The following ZNF248 variants were observed in gnomAD, a reference collection of about 807,000 sequenced individuals.
ZNF248 encodes the protein KRAB protein domain.
In ZNF248, 20 loss-of-function variants were observed where a neutral mutation model predicts 44.3. The observed-to-expected ratio is 0.45, with a 90% CI of 0.32 to 0.66. The LOEUF is 0.66. Ranked by LOEUF, ZNF248 falls within the 30% of genes least tolerant of loss-of-function variation. The pLI is 0.04. For missense variants in ZNF248, 654 were observed against 677.0 expected (o/e 0.97, Z 0.38); for synonymous variants, 224 against 229.0 (o/e 0.98, Z 0.20).
the ZNF248 span, among the ~76,000 whole-genome samples, chr10:37,759,924 G>A: frequency 6.6e-6 from 1 of 152,196 alleles, no homozygotes; most frequent in Non-Finnish European, 1.5e-5. Context: ...AGAACCGCTA[G>A]GCAGGGAGGA....
At chr10:37,800,982 G>A (rs571881292) in intron 6 of ZNF248, among the ~76,000 whole-genome samples, 67 of 151,790 alleles carry the variant, frequency 4.4e-4, no homozygotes, top group African/African-American at 1.5e-3. Context: ...GGCTGATCTC[G>A]AACTCCCAAC....
intron 5 of ZNF248, among the ~76,000 whole-genome samples, chr10:37,835,559 T>C (rs1430888107): frequency 2.6e-5 from 4 of 152,154 alleles, no homozygotes; most frequent in Non-Finnish European, 5.9e-5. Context: ...TGCACGGCAA[T>C]GGCCCTTGAG....
intron 6 of ZNF248, among the ~76,000 whole-genome samples, chr10:37,777,851 C>A (rs1467915326): frequency 2.0e-5 from 3 of 152,092 alleles, no homozygotes; most frequent in African/African-American, 4.8e-5. Flanking sequence ...CATTTCCCTA[C>A]AAAGGACATG....
chr10:37,807,702 A>G (rs992887780), intron 6 of ZNF248, among the ~76,000 whole-genome samples: 3 of 152,042 alleles, frequency 2.0e-5, no homozygotes, highest in Non-Finnish European at 2.9e-5. Context: ...AGGATTTTTT[A>G]TTGTTAGTAT....
chr10:37,776,452 G>C, downstream of ZNF248: 1 of 396,546 alleles, frequency 2.5e-6, no homozygotes, highest in Non-Finnish European at 4.4e-6. Context: ...TCCTGACTTT[G>C]CTCTGAAGTT....
In ZNF248 at chr10:37,829,512, C is replaced by CA. The variant is rs144798255; in HGVS notation, c.*2102dup. On this transcript the variant is annotated 3_prime_UTR_variant, in exon 6 of 6. Coordinates refer to ENST00000395867, the MANE Select transcript of ZNF248 (RefSeq NM_021045.3). ...CACTTAGAAAAATATTCCTCTGTGT[C>CA]AGCTGGAATGCCTTCAGCTCTAAGT... 0.079 allele frequency: 77,578 copies of CA among 985,290 alleles called. 3,258 individuals carry two copies. The highest frequency in any genetic ancestry group is 0.086 in the Non-Finnish European group (71,522 of 829,890). The allele number at this position is 985,290 out of a possible 1,614,324, so 61.0% of individuals were successfully genotyped here. A position where few individuals can be genotyped will look rare whatever the true frequency, so the allele number is the denominator to read the frequency against.
At chr10:37,807,263 T>C (rs2050719226) in intron 6 of ZNF248, among the ~76,000 whole-genome samples, 1 of 151,028 alleles carries the variant, frequency 6.6e-6, no homozygotes, top group South Asian at 2.1e-4. Context: ...CATTGTTCTA[T>C]ACATCTGTCT....
intron 6 of ZNF248, among the ~76,000 whole-genome samples, chr10:37,802,190 G>A (rs914515958): frequency 1.3e-5 from 2 of 152,126 alleles, no homozygotes; most frequent in African/African-American, 2.4e-5. Flanking sequence ...AAAACAAAGT[G>A]GGAATAAACA....
Position 37,830,314 on chromosome 10 carries a change from A to T in ZNF248, c.*1301T>A, listed in dbSNP as rs139832236. ...TGTTTAACTTCTTTACTGAAGTGAT[A>T]GTTCAATAATGGCCATATTCATGCA... is the stretch of plus-strand genomic sequence containing the variant. On this transcript the variant is annotated 3_prime_UTR_variant, in exon 6 of 6. Transcript: ENST00000395867. 7.1e-6 allele frequency: 7 copies of T among 985,258 alleles called. No individual in the cohort carries two copies. Among genetic ancestry groups the T allele is most frequent in the African/African-American group, 1.7e-5 (1 of 57,216 alleles). 61.0% of individuals were successfully genotyped at this position (985,258 alleles called of 1,614,324 possible). A position where few individuals can be genotyped will look rare whatever the true frequency, so the allele number is the denominator to read the frequency against.
intron 6 of ZNF248, among the ~76,000 whole-genome samples, chr10:37,811,682 ATAT>A (rs763489336): frequency 7.6e-6 from 1 of 131,080 alleles, no homozygotes; most frequent in Non-Finnish European, 1.6e-5. Context: ...AAAAAAAAAA[ATAT>A]ATATATATAT....
At chr10:37,789,819 A>C (rs1349778674) in intron 6 of ZNF248, among the ~76,000 whole-genome samples, 1 of 152,198 alleles carries the variant, frequency 6.6e-6, no homozygotes, top group African/African-American at 2.4e-5. Flanking sequence ...ATTTCTCAAT[A>C]AACAAATATT....
chr10:37,827,804 C>T, downstream of ZNF248, among the ~76,000 whole-genome samples: 1 of 152,102 alleles, frequency 6.6e-6, no homozygotes, highest in South Asian at 2.1e-4. Flanking sequence ...AGGGCTGAAC[C>T]CTCCCAGAAG....
intron 6 of ZNF248, chr10:37,820,859 A>C: frequency 8.0e-7 from 1 of 1,251,794 alleles, no homozygotes; most frequent in South Asian, 1.2e-5. Flanking sequence ...GCATGTATTT[A>C]TTTCTTCTTG....
chr10:37,791,202 C>A (rs967439790), intron 6 of ZNF248, among the ~76,000 whole-genome samples: 2 of 151,258 alleles, frequency 1.3e-5, no homozygotes, highest in African/African-American at 4.9e-5. Context: ...CCACCACGAC[C>A]GGCTAATTTT....
chr10:37,840,192 T>C (rs1287423535), intron 3 of ZNF248, among the ~76,000 whole-genome samples: 1 of 152,140 alleles, frequency 6.6e-6, no homozygotes, highest in Non-Finnish European at 1.5e-5. Context: ...ATTTATAACA[T>C]CAAATTCATG....
intron 3 of ZNF248, among the ~76,000 whole-genome samples, chr10:37,848,254 G>A (rs939836504): frequency 6.6e-6 from 1 of 151,028 alleles, no homozygotes; most frequent in Non-Finnish European, 1.5e-5. Flanking sequence ...TCCAGCCTGG[G>A]CAACAGAACG....
At chr10:37,759,365 A>G in the ZNF248 span, among the ~76,000 whole-genome samples, 1 of 152,362 alleles carries the variant, frequency 6.6e-6, no homozygotes, top group Admixed American at 6.5e-5. Context: ...CATGCAGTTC[A>G]CATATGAACA....
chr10:37,775,948 AC>A (rs1179403516), downstream of ZNF248, among the ~76,000 whole-genome samples: 2 of 152,150 alleles, frequency 1.3e-5, no homozygotes, highest in East Asian at 3.8e-4. Context: ...CCATTTACAA[AC>A]TGGATGAGTC....
rs2054946026 is a variant in ZNF248 at position 37,829,149 on chromosome 10, CCAG to C, written c.*2463_*2465del. On this transcript the variant is annotated 3_prime_UTR_variant, in exon 6 of 6. Transcript: ENST00000395867. The stretch of plus-strand genomic sequence containing the variant: ...TGGTTGGTTTCTCCAAAGAGAGACA[CCAG>C]CAATTTGGCACCACAGTTCTGGTAG... 2.0e-6 allele frequency: 2 copies of C among 985,308 alleles called. No individual in the cohort carries two copies. Among genetic ancestry groups the C allele is most frequent in the African/African-American group, 3.5e-5 (2 of 57,230 alleles). 61.0% of individuals were successfully genotyped at this position (985,308 alleles called of 1,614,324 possible).
Sources: gnomAD v4.1 joint callset for allele counts (sites outside exome capture counted in the v4.1 genomes callset) on GRCh38, gnomAD v4.1.1 for gene constraint, MANE v1.5 for transcripts, NCBI Gene and HGNC (gene_info 2026-07-23, HGNC 2026-07-21) for gene names.